CHRNA1: variants seen among roughly 807,000 people sequenced by gnomAD.
CHRNA1 encodes cholinergic receptor nicotinic alpha 1 subunit, also known as acetylcholine receptor subunit alpha.
In CHRNA1, 35 loss-of-function variants were observed where a neutral mutation model predicts 47.1. That is an observed-to-expected ratio of 0.74 (90% CI 0.57 to 0.99). The LOEUF (loss-of-function observed/expected upper bound fraction) is 0.99. Among genes scored for constraint, CHRNA1 ranks in the 50% least tolerant of loss-of-function variants. The probability of loss-of-function intolerance (pLI) is 0.00; values close to 1 mark genes in which losing one functional copy is unlikely to be tolerated. For synonymous variants in CHRNA1, 229 were observed against 223.6 expected, an observed-to-expected ratio of 1.02 and a Z score of -0.22; for missense variants, 506 against 591.1, an observed-to-expected ratio of 0.86 and a Z score of 1.49.
chr2:174,754,713 AC>A (rs1683939579), intron 4 of CHRNA1, among the ~76,000 whole-genome samples: 1 of 152,064 alleles, frequency 6.6e-6, no homozygotes, highest in Non-Finnish European at 1.5e-5. Context: ...ACATGGGTCC[AC>A]TGCATCCCAG....
At chr2:174,753,238 A>C (rs1384189889) in intron 6 of CHRNA1, 12 of 622,460 alleles carry the variant, frequency 1.9e-5, no homozygotes, top group Non-Finnish European at 3.5e-5. Context: ...TTGGTGGTTA[A>C]TGTACTTTAA....
chr2:174,757,943 G>A (rs1156255743), intron 3 of CHRNA1: 1 of 1,469,762 alleles, frequency 6.8e-7, no homozygotes, highest in African/African-American at 1.4e-5. Context: ...GGTGATTACT[G>A]ACCTCATTCT....
chr2:174,748,562 T>C lies in CHRNA1; in HGVS notation c.1242+18A>G. The stretch of plus-strand genomic sequence containing the variant: ...CCATTTAAACCCAGAGGCATGAATT[T>C]CAAGCCACGAAGCTTACATTGTTAG... On this transcript the variant is annotated intron_variant, in intron 8 of 8. Coordinates refer to ENST00000348749, the MANE Select transcript of CHRNA1 (RefSeq NM_000079.4). 6.2e-7 allele frequency: 1 copy of C among 1,608,750 alleles called. No homozygotes were observed. Among genetic ancestry groups the C allele is most frequent in the Non-Finnish European group, 8.5e-7 (1 of 1,175,952 alleles).
Position 174,748,106 on chromosome 2 carries a change from G to A in CHRNA1, c.*18C>T, listed in dbSNP as rs767952169. On this transcript the variant is annotated 3_prime_UTR_variant, in exon 9 of 9. Transcript: ENST00000348749. The stretch of plus-strand genomic sequence containing the variant: ...CTGGTAGGTTCCAGGGCAGAGCTAA[G>A]CTCAGCTCATTTTCTGCTCATCCTT... 6 of 1,613,834 alleles carry A rather than the reference G, an allele frequency of 3.7e-6. No individual in the cohort carries two copies. The highest frequency in any genetic ancestry group is 1.6e-4 in the Middle Eastern group (1 of 6,062).
chr2:174,759,284 T>C (rs375536213), intron 3 of CHRNA1, 47 bp downstream of exon 3: 307 of 1,593,554 alleles, frequency 1.9e-4, no homozygotes, highest in Non-Finnish European at 2.4e-4. Flanking sequence ...AGGTTTAATT[T>C]CAGTGTGAAT....
chr2:174,747,644 C>T lies in CHRNA1; in HGVS notation c.*480G>A, dbSNP rs1446457557. ...ATTTCATTTCTACTGCTTCCTCTCT[C>T]TCCAAATCAAATGCCTTATCTCTTT... On this transcript the variant is annotated 3_prime_UTR_variant, in exon 9 of 9. Transcript: ENST00000348749. The T allele has an allele frequency of 2.3e-5, 4 of 170,672 alleles. 1 individual carries two copies. The highest frequency in any genetic ancestry group is 9.6e-5 in the African/African-American group (4 of 41,604). The allele number at this position is 170,672 out of a possible 1,614,324, so 10.6% of individuals were successfully genotyped here.
At chr2:174,757,744 C>A (rs972945082) in intron 3 of CHRNA1, 69 bp from the exon 4 acceptor site, 36 of 1,340,418 alleles carry the variant, frequency 2.7e-5, no homozygotes, top group Non-Finnish European at 3.6e-5. Context: ...TTATCAAGAG[C>A]CCTGATGTGC....
Position 174,759,328 on chromosome 2 carries a change from T to C in CHRNA1, c.234+3A>G, listed in dbSNP as rs755273596. 3 of 1,614,168 alleles carry C rather than the reference T, an allele frequency of 1.9e-6. No homozygotes were observed. In the Admixed American group the frequency reaches 5.0e-5, roughly 27 times the overall value. On this transcript the variant is annotated splice_donor_region_variant and intron_variant, in intron 3 of 8. Coordinates refer to ENST00000348749, the MANE Select transcript of CHRNA1 (RefSeq NM_000079.4). Reference sequence around the variant, plus strand: ...CACACATGCAATTATCTGGCTAAGTTACCTGTTTCAGACGCACATTGGTTG... The same window carrying C: ...CACACATGCAATTATCTGGCTAAGTCACCTGTTTCAGACGCACATTGGTTG...
chr2:174,750,314 AAGG>A, intron 6 of CHRNA1, 145 bp from the exon 7 acceptor site: 1 of 684,916 alleles, frequency 1.5e-6, no homozygotes. Flanking sequence ...CAGGGACTTT[AAGG>A]AGGTAATTAA....
chr2:174,748,104 A>T lies in CHRNA1; in HGVS notation c.*20T>A. ...CTCTGGTAGGTTCCAGGGCAGAGCT[A>T]AGCTCAGCTCATTTTCTGCTCATCC... is the stretch of plus-strand genomic sequence containing the variant. On this transcript the variant is annotated 3_prime_UTR_variant, in exon 9 of 9. Transcript: ENST00000348749. 6.2e-7 allele frequency: 1 copy of T among 1,613,842 alleles called. No individual in the cohort carries two copies. The highest frequency in any genetic ancestry group is 8.5e-7 in the Non-Finnish European group (1 of 1,179,958).
intron 1 of CHRNA1, among the ~76,000 whole-genome samples, chr2:174,760,549 G>A (rs751187044): frequency 6.6e-6 from 1 of 152,198 alleles, no homozygotes; most frequent in African/African-American, 2.4e-5. Flanking sequence ...CAGGGACTGG[G>A]GGGGAGAGAG....
intron 7 of CHRNA1, among the ~76,000 whole-genome samples, chr2:174,749,080 A>G (rs1304053849): frequency 6.6e-6 from 1 of 152,230 alleles, no homozygotes. Context: ...ATGTGCAGTC[A>G]TCGACCTGGG....
rs36034942 is a variant in CHRNA1 at position 174,753,234 on chromosome 2, G to A, written c.778+269C>T. 1.9e-3 allele frequency: 1,168 copies of A among 620,838 alleles called. 3 individuals are homozygous for A. The highest frequency in any genetic ancestry group is 3.0e-3 in the Middle Eastern group (7 of 2,330). The allele number at this position is 620,838 out of a possible 1,614,324, so 38.5% of individuals were successfully genotyped here. A position where few individuals can be genotyped will look rare whatever the true frequency, so the allele number is the denominator to read the frequency against. On this transcript the variant is annotated intron_variant, in intron 6 of 8. Coordinates refer to ENST00000348749, the MANE Select transcript of CHRNA1 (RefSeq NM_000079.4). Reference sequence around the variant, plus strand: ...GGTATTCAGCAAATAGGTATTGGTGGTTAATGTACTTTAACCAGCCTAAGC... The same window carrying A: ...GGTATTCAGCAAATAGGTATTGGTGATTAATGTACTTTAACCAGCCTAAGC...
intron 4 of CHRNA1, among the ~76,000 whole-genome samples, chr2:174,755,738 A>G (rs562077167): frequency 6.6e-6 from 1 of 152,250 alleles, no homozygotes; most frequent in African/African-American, 2.4e-5. Context: ...TTTTTAAATC[A>G]AAAATTGCCA....
At position 174,753,044 on chromosome 2, in the gene CHRNA1, C is replaced by T. The variant is rs78433645; in HGVS notation, c.778+459G>A. On this transcript the variant is annotated intron_variant, in intron 6 of 8. Coordinates refer to ENST00000348749, the MANE Select transcript of CHRNA1 (RefSeq NM_000079.4). ...AGGGTCTTGTGTGTGAAGATGCCAC[C>T]ATCTGGAAAAAAAGATATGCAAAAT... The T allele has an allele frequency of 3.1e-3, 814 of 261,062 alleles. 9 individuals are homozygous for T. Among genetic ancestry groups the T allele is most frequent in the African/African-American group, 0.016 (741 of 46,478 alleles). The allele number at this position is 261,062 out of a possible 1,614,324, so 16.2% of individuals were successfully genotyped here. A position where few individuals can be genotyped will look rare whatever the true frequency, so the allele number is the denominator to read the frequency against.
At chr2:174,757,979 C>G (rs1029061601) in intron 3 of CHRNA1, 1 of 1,610,804 alleles carries the variant, frequency 6.2e-7, no homozygotes, top group South Asian at 1.1e-5. Flanking sequence ...AAGGAACTCC[C>G]AAAGTCACGC....
chr2:174,759,403 A>T (rs1684047562), intron 2 of CHRNA1, 28 bp from the exon 3 acceptor site: 1 of 1,613,860 alleles, frequency 6.2e-7, no homozygotes, highest in African/African-American at 1.3e-5. Flanking sequence ...GATCATTTTT[A>T]TGGGGGAGAG....
At chr2:174,763,707 A>G (rs1684139268) in intron 1 of CHRNA1, among the ~76,000 whole-genome samples, 1 of 152,176 alleles carries the variant, frequency 6.6e-6, no homozygotes, top group Non-Finnish European at 1.5e-5. Context: ...GCAAGGTTTT[A>G]TAGTTTCAAT....
intron 1 of CHRNA1, 121 bp from the exon 2 acceptor site, chr2:174,759,754 G>A (rs1444558238): frequency 3.8e-6 from 5 of 1,316,802 alleles, no homozygotes; most frequent in Non-Finnish European, 5.3e-6. Context: ...AGGCACACAG[G>A]CCTCCTTGTT....
Sources: gnomAD v4.1 joint callset for allele counts (sites outside exome capture counted in the v4.1 genomes callset) on GRCh38, gnomAD v4.1.1 for gene constraint, MANE v1.5 for transcripts, NCBI Gene and HGNC (gene_info 2026-07-23, HGNC 2026-07-21) for gene names.